Variants in MAP3K5 observed in about 807,000 individuals in gnomAD.
MAP3K5 encodes mitogen-activated protein kinase kinase kinase 5.
MAP3K5 carries 56 observed loss-of-function variants against 158.7 expected under a neutral mutation model. The ratio of observed to expected loss-of-function variants is 0.35; its 90% CI spans 0.28 to 0.44. The LOEUF (loss-of-function observed/expected upper bound fraction) is 0.44, where lower values mean the gene tolerates loss of function less well. MAP3K5 is among the 20% of genes least tolerant of loss of function. MAP3K5 has a pLI of 1.00. For missense variants in MAP3K5, 1,294 were observed against 1,674.8 expected, an observed-to-expected ratio of 0.77 and a Z score of 3.97; for synonymous variants, 579 against 601.7, an observed-to-expected ratio of 0.96 and a Z score of 0.55.
At chr6:136,729,257 T>C (rs1338993404) in intron 1 of MAP3K5, among the ~76,000 whole-genome samples, 1 of 152,212 alleles carries the variant, frequency 6.6e-6, no homozygotes, top group African/African-American at 2.4e-5. Flanking sequence ...GTAATGAGCA[T>C]GTAAATAACA....
At chr6:136,662,019 T>C (rs548421243) in intron 8 of MAP3K5, among the ~76,000 whole-genome samples, 1 of 152,366 alleles carries the variant, frequency 6.6e-6, no homozygotes, top group African/African-American at 2.4e-5. Flanking sequence ...TATGGATGTA[T>C]CATAATTTAT....
intron 10 of MAP3K5, among the ~76,000 whole-genome samples, chr6:136,653,495 G>C (rs187216298): frequency 1.1e-3 from 171 of 152,266 alleles, no homozygotes; most frequent in Non-Finnish European, 1.3e-3. Flanking sequence ...CTATGCTAAG[G>C]ACATGACAAG....
rs137967340 is a variant in MAP3K5, at chr6:136,746,287, AG to A, written c.449-25699del. ...ATGAAATAAATTTCATAAAATTTTG[AG>A]GGGGGGGCAGGAAAATACAAATACG... On this transcript the variant is annotated intron_variant, in intron 1 of 29. Transcript: ENST00000359015. Among the ~76,000 whole-genome samples, 337 of 151,452 alleles carry A rather than the reference AG, an allele frequency of 2.2e-3. 6 individuals are homozygous for A. In the South Asian group the frequency reaches 0.033, roughly 15 times the overall value.
At chr6:136,677,810 C>T (rs150665219) in intron 7 of MAP3K5, among the ~76,000 whole-genome samples, 126 of 152,304 alleles carry the variant, frequency 8.3e-4, no homozygotes, top group African/African-American at 2.9e-3. Flanking sequence ...GCATAGATGA[C>T]GGTCTCTATC....
chr6:136,601,795 C>A lies in MAP3K5; in HGVS notation c.2857+7G>T. 6.2e-7 allele frequency: 1 copy of A among 1,613,546 alleles called. No homozygotes were observed. Among genetic ancestry groups the A allele is most frequent in the South Asian group, 1.1e-5 (1 of 91,034 alleles). On this transcript the variant is annotated splice_region_variant and intron_variant, in intron 20 of 29. Coordinates refer to ENST00000359015, the MANE Select transcript of MAP3K5 (RefSeq NM_005923.4). ...CAGACTATATCCTCTTCAATGCAAC[C>A]ACATACCTGAAAGCTTAGGTTGTGT...
At chr6:136,651,136 T>G in intron 10 of MAP3K5, 45 bp from the exon 11 acceptor site, 1 of 1,011,678 alleles carries the variant, frequency 9.9e-7, no homozygotes, top group Non-Finnish European at 1.5e-6. Context: ...GACTTAAGAC[T>G]GAAACCACTT....
rs550547901 is a variant in MAP3K5 at position 136,682,315 on chromosome 6, GA to G, written c.1253+11824del. On this transcript the variant is annotated intron_variant, in intron 7 of 29. Transcript: ENST00000359015. ...AGATAAAACTCTGGAGGTGGGGAGA[GA>G]GGGGGAAGGAGGGTGGTAAAAATGA... is the stretch of plus-strand genomic sequence containing the variant. Among the ~76,000 whole-genome samples the G allele has an allele frequency of 1.7e-3, 262 of 152,302 alleles. 1 individual carries two copies. Among genetic ancestry groups the G allele is most frequent in the African/African-American group, 5.5e-3 (227 of 41,566 alleles).
chr6:136,760,959 ACT>A (rs1181308744), intron 1 of MAP3K5, among the ~76,000 whole-genome samples: 3 of 152,084 alleles, frequency 2.0e-5, no homozygotes, highest in South Asian at 2.1e-4. Context: ...ACAGAGCAAG[ACT>A]CTGTCTCAAA....
At chr6:136,660,132 A>C (rs1455714327) in intron 8 of MAP3K5, among the ~76,000 whole-genome samples, 1 of 152,216 alleles carries the variant, frequency 6.6e-6, no homozygotes, top group East Asian at 1.9e-4. Context: ...TAAAAGGAAA[A>C]TCTTACCTTT....
intron 6 of MAP3K5, among the ~76,000 whole-genome samples, chr6:136,695,708 G>C (rs1467079150): frequency 3.3e-5 from 5 of 152,108 alleles, no homozygotes; most frequent in Admixed American, 3.3e-4. Context: ...AACTTTGACA[G>C]AGCAGAAAAC....
intron 1 of MAP3K5, among the ~76,000 whole-genome samples, chr6:136,759,570 G>A (rs915969590): frequency 4.0e-5 from 6 of 148,836 alleles, no homozygotes; most frequent in African/African-American, 1.2e-4. Context: ...TCCTAGGCTC[G>A]AGCGATCCTC....
intron 3 of MAP3K5, 108 bp from the exon 4 acceptor site, chr6:136,698,790 A>G (rs1001157120): frequency 8.2e-6 from 6 of 732,724 alleles, no homozygotes; most frequent in African/African-American, 5.3e-5. Flanking sequence ...AAAGGGAAAT[A>G]GAAAAGCCTC....
At chr6:136,760,091 C>T (rs1248871414) in intron 1 of MAP3K5, among the ~76,000 whole-genome samples, 1 of 152,168 alleles carries the variant, frequency 6.6e-6, no homozygotes, top group African/African-American at 2.4e-5. Flanking sequence ...ACAGAATGCA[C>T]ATTGCACTAT....
intron 1 of MAP3K5, among the ~76,000 whole-genome samples, chr6:136,779,442 C>CAAA (rs35110376): frequency 1.1e-4 from 11 of 100,952 alleles, no homozygotes; most frequent in African/African-American, 3.1e-4. Context: ...CACCCTGTCT[C>CAAA]AAAAAAAAAA....
intron 14 of MAP3K5, chr6:136,637,065 G>A: frequency 7.7e-7 from 1 of 1,294,732 alleles, no homozygotes; most frequent in Non-Finnish European, 9.8e-7. Flanking sequence ...CCCATGCATT[G>A]ACACTGTCAT....
At position 136,650,973 on chromosome 6, in the gene MAP3K5, G is replaced by C. The variant is rs1465557983; in HGVS notation, c.1788+11C>G. 21 of 1,562,404 alleles carry C rather than the reference G, an allele frequency of 1.3e-5. No individual in the cohort carries two copies. The highest frequency in any genetic ancestry group is 1.5e-5 in the Non-Finnish European group (17 of 1,135,360). ...TACTAATGCTCTTGTGTTAATAACT[G>C]CACAATTTACCTTGTCATCAGGAAG... On this transcript the variant is annotated intron_variant, in intron 11 of 29. Coordinates refer to ENST00000359015, the MANE Select transcript of MAP3K5 (RefSeq NM_005923.4).
rs143454055 is a variant in MAP3K5, at chr6:136,708,924, G to A, written c.589-3791C>T. Among the ~76,000 whole-genome samples the A allele has an allele frequency of 1.1e-3, 160 of 152,110 alleles. 2 individuals are homozygous for A. The highest frequency in any genetic ancestry group is 4.9e-3 in the East Asian group (25 of 5,154). On this transcript the variant is annotated intron_variant, in intron 2 of 29. Transcript: ENST00000359015. ...CCTTCTCTCTTCCCCTCTGAGTAAC[G>A]AGGAAATGCCCTCTCCGTCCTCTCT...
intron 1 of MAP3K5, among the ~76,000 whole-genome samples, chr6:136,761,380 A>G (rs916334370): frequency 1.3e-5 from 2 of 151,734 alleles, no homozygotes; most frequent in African/African-American, 4.8e-5. Context: ...AAGACAGAAG[A>G]GTAGATCCCA....
chr6:136,636,181 T>C (rs1310996880), intron 14 of MAP3K5, among the ~76,000 whole-genome samples: 2 of 151,964 alleles, frequency 1.3e-5, no homozygotes, highest in Non-Finnish European at 2.9e-5. Flanking sequence ...GGGAGGTGAT[T>C]AGGTCTTGAA....
Sources: gnomAD v4.1 joint callset for allele counts (sites outside exome capture counted in the v4.1 genomes callset) on GRCh38, gnomAD v4.1.1 for gene constraint, MANE v1.5 for transcripts, NCBI Gene and HGNC (gene_info 2026-07-23, HGNC 2026-07-21) for gene names.